Variants in GALNT13 observed in about 807,000 individuals in gnomAD.
GALNT13 encodes the protein polypeptide N-acetylgalactosaminyltransferase 13.
A neutral mutation model predicts 64.2 loss-of-function variants in GALNT13; 28 were observed. The ratio of observed to expected loss-of-function variants is 0.44; its 90% confidence interval spans 0.32 to 0.60. The LOEUF (loss-of-function observed/expected upper bound fraction) is 0.60, where lower values mean the gene tolerates loss of function less well. Among genes scored for constraint, GALNT13 ranks in the 20% least tolerant of loss-of-function variants. GALNT13 has a pLI of 0.05. For missense variants in GALNT13, 577 were observed against 669.8 expected (o/e 0.86, Z 1.53); for synonymous variants, 214 against 224.6 (o/e 0.95, Z 0.42).
At chr2:153,825,304 T>G in the GALNT13 span, among the ~76,000 whole-genome samples, 1 of 152,136 alleles carries the variant, frequency 6.6e-6, no homozygotes, top group African/African-American at 2.4e-5. Context: ...AACTCTAACT[T>G]AGATCAACAT....
the GALNT13 span, among the ~76,000 whole-genome samples, chr2:153,683,480 T>C: frequency 1.3e-5 from 2 of 151,748 alleles, no homozygotes; most frequent in Non-Finnish European, 3.0e-5. Context: ...AAGTTCAAGG[T>C]TAACTTCATC....
the GALNT13 span, among the ~76,000 whole-genome samples, chr2:153,426,496 G>C: frequency 6.6e-6 from 1 of 151,936 alleles, no homozygotes; most frequent in Admixed American, 6.6e-5. Flanking sequence ...AACTAGTCTT[G>C]TAAGTCTTTG....
chr2:153,293,789 G>C, the GALNT13 span, among the ~76,000 whole-genome samples: 77,940 of 142,572 alleles, frequency 0.55, 21,384 homozygotes, highest in African/African-American at 0.68. Flanking sequence ...GTGTGTGTGT[G>C]TGTCTGTGTG....
intron 4 of GALNT13, among the ~76,000 whole-genome samples, chr2:154,215,761 A>C (rs2105810715): frequency 6.6e-6 from 1 of 152,200 alleles, no homozygotes; most frequent in East Asian, 1.9e-4. Context: ...TCTATTAATA[A>C]ATGTTTACTT....
chr2:153,954,605 TATA>T lies in GALNT13; in HGVS notation c.142+9975_142+9977del, dbSNP rs150142731. The stretch of plus-strand genomic sequence containing the variant: ...TATTTTAATAAATAATTATAGTTAC[TATA>T]ATAATAATTTATTATAATAAATAAA... On this transcript the variant is annotated intron_variant, in intron 3 of 12. Coordinates refer to ENST00000392825, the MANE Select transcript of GALNT13 (RefSeq NM_052917.4). Among the ~76,000 whole-genome samples, 909 of 149,460 alleles carry T rather than the reference TATA, an allele frequency of 6.1e-3. 6 individuals carry two copies. The highest frequency in any genetic ancestry group is 0.019 in the African/African-American group (755 of 40,576).
At chr2:153,242,260 G>A in the GALNT13 span, among the ~76,000 whole-genome samples, 2 of 152,066 alleles carry the variant, frequency 1.3e-5, no homozygotes, top group African/African-American at 2.4e-5. Context: ...TATTATTTGT[G>A]TAACTGCCAT....
At chr2:153,682,039 G>T in the GALNT13 span, among the ~76,000 whole-genome samples, 1 of 151,692 alleles carries the variant, frequency 6.6e-6, no homozygotes, top group Non-Finnish European at 1.5e-5. Flanking sequence ...TGGCAACTAA[G>T]TATTGTCCTG....
intron 2 of GALNT13, among the ~76,000 whole-genome samples, chr2:153,922,995 G>T: frequency 6.6e-6 from 1 of 152,068 alleles, no homozygotes; most frequent in East Asian, 1.9e-4. Context: ...CGCCTCCCGG[G>T]TTCAAGCAAT....
At chr2:154,090,609 T>C (rs1309342174) in intron 3 of GALNT13, among the ~76,000 whole-genome samples, 3 of 152,002 alleles carry the variant, frequency 2.0e-5, no homozygotes, top group Non-Finnish European at 4.4e-5. Context: ...TCTACCACAG[T>C]CTCAGGAACC....
the GALNT13 span, among the ~76,000 whole-genome samples, chr2:153,372,430 G>T: frequency 6.6e-6 from 1 of 152,048 alleles, no homozygotes; most frequent in African/African-American, 2.4e-5. Context: ...GGTGGATCAC[G>T]ATGTCAAGAG....
At chr2:153,844,185 C>G in the GALNT13 span, among the ~76,000 whole-genome samples, 1 of 152,186 alleles carries the variant, frequency 6.6e-6, no homozygotes, top group Non-Finnish European at 1.5e-5. Context: ...GGGGGCTTCT[C>G]CCCTGCAGCA....
chr2:153,089,782 G>A, the GALNT13 span, among the ~76,000 whole-genome samples: 17 of 151,964 alleles, frequency 1.1e-4, no homozygotes, highest in African/African-American at 4.1e-4. Flanking sequence ...TCTAGAAGTT[G>A]TGATTGTTTT....
chr2:153,924,837 G>A lies in GALNT13; in HGVS notation c.-104-19557G>A, dbSNP rs1053032896. Among the ~76,000 whole-genome samples the A allele has an allele frequency of 2.0e-5, 3 of 151,860 alleles. No individual in the cohort carries two copies. In the South Asian group the frequency reaches 6.2e-4, roughly 32 times the overall value. ...TGACGTTGAGCTTTTTTTCATGTTT[G>A]TTGGCCACATGTATGTTTTCTTTTG... On this transcript the variant is annotated intron_variant, in intron 2 of 12. Transcript: ENST00000392825.
the GALNT13 span, among the ~76,000 whole-genome samples, chr2:153,175,540 C>T: frequency 6.6e-6 from 1 of 152,116 alleles, no homozygotes; most frequent in Non-Finnish European, 1.5e-5. Context: ...GTCTTGCTAT[C>T]TAATGCAAGA....
At chr2:153,222,327 T>TGGGGGGGGGGGGGGGGG in the GALNT13 span, among the ~76,000 whole-genome samples, 1 of 95,578 alleles carries the variant, frequency 1.0e-5, no homozygotes, top group African/African-American at 4.3e-5. Context: ...GGGGGGGGGG[T>TGGGGGGGGGGGGGGGGG]GGGGTGGGGG....
chr2:153,254,891 A>G, the GALNT13 span, among the ~76,000 whole-genome samples: 2 of 152,284 alleles, frequency 1.3e-5, no homozygotes, highest in African/African-American at 2.4e-5. Context: ...ACTTCCAAGT[A>G]TGCGGTCAAT....
At chr2:153,328,311 C>T in the GALNT13 span, among the ~76,000 whole-genome samples, 1 of 152,198 alleles carries the variant, frequency 6.6e-6, no homozygotes, top group African/African-American at 2.4e-5. Flanking sequence ...CAGTCTGTCC[C>T]TTAGCAGACC....
chr2:153,073,633 T>C, the GALNT13 span, among the ~76,000 whole-genome samples: 2 of 152,178 alleles, frequency 1.3e-5, no homozygotes, highest in African/African-American at 2.4e-5. Flanking sequence ...TTTCCCTATA[T>C]ATTTGTAAAA....
chr2:153,516,132 C>T, the GALNT13 span, among the ~76,000 whole-genome samples: 5 of 152,168 alleles, frequency 3.3e-5, no homozygotes, highest in African/African-American at 1.2e-4. Flanking sequence ...TCTCATTATT[C>T]TATGCCACTT....
Sources: gnomAD v4.1 joint callset for allele counts (sites outside exome capture counted in the v4.1 genomes callset) on GRCh38, gnomAD v4.1.1 for gene constraint, MANE v1.5 for transcripts, NCBI Gene and HGNC (gene_info 2026-07-23, HGNC 2026-07-21) for gene names.